The following CC2D2A variants were observed in gnomAD, a reference collection of about 807,000 sequenced individuals.
The protein encoded by CC2D2A is coiled-coil and C2 domain-containing protein 2A.
In CC2D2A, 155 loss-of-function variants were observed where a neutral mutation model predicts 212.9. The ratio of observed to expected loss-of-function variants is 0.73; its 90% confidence interval spans 0.64 to 0.83. CC2D2A has a LOEUF of 0.83. Among genes scored for constraint, CC2D2A ranks in the 40% least tolerant of loss-of-function variants. The pLI is 0.00. For missense variants in CC2D2A, 1,856 were observed against 1,956.2 expected (o/e 0.95, Z 0.97); for synonymous variants, 667 against 686.5 (o/e 0.97, Z 0.44).
chr4:15,512,714 G>A (rs1716636092), intron 8 of CC2D2A, among the ~76,000 whole-genome samples: 7 of 152,176 alleles, frequency 4.6e-5, no homozygotes, highest in Admixed American at 4.6e-4. Flanking sequence ...AGCTTTGGGA[G>A]GCCGAGGAGG....
intron 28 of CC2D2A, among the ~76,000 whole-genome samples, chr4:15,573,288 T>C (rs771179822): frequency 3.9e-5 from 6 of 152,158 alleles, no homozygotes; most frequent in African/African-American, 4.8e-5. Context: ...TTCCATGCCA[T>C]AGTTTTTTGT....
rs767675879 is a variant in CC2D2A at position 15,515,959 on chromosome 4, C to T, written c.972C>T (p.Arg324=). The T allele has an allele frequency of 6.3e-7, 1 of 1,582,238 alleles. No homozygotes were observed. The highest frequency in any genetic ancestry group is 8.6e-7 in the Non-Finnish European group (1 of 1,163,774). Residue 324 remains arginine (R), a synonymous_variant, in exon 10 of 37, where the codon CGC becomes CGT. Coordinates refer to ENST00000424120, the MANE Select transcript of CC2D2A (RefSeq NM_001378615.1). ...CCGGGGTAAGACCAGAGGTGGCACGCACCAATCAGAACATCATGGAGAACA... is the reference window on the plus strand; with the variant it reads ...CCGGGGTAAGACCAGAGGTGGCACGTACCAATCAGAACATCATGGAGAACA... The part of the protein sequence containing the change: ...LYTGVRPEVA[R]TNQNIMENRL...
intron 30 of CC2D2A, among the ~76,000 whole-genome samples, chr4:15,583,267 G>A (rs377098493): frequency 6.6e-6 from 1 of 152,156 alleles, no homozygotes; most frequent in East Asian, 1.9e-4. Context: ...TTTCCTCTAA[G>A]ATCAGGAACA....
At chr4:15,596,279 T>A (rs537588355) in intron 34 of CC2D2A, 72 bp downstream of exon 34, 2 of 1,357,654 alleles carry the variant, frequency 1.5e-6, no homozygotes, top group African/African-American at 2.9e-5. Context: ...TTACAAGATA[T>A]TTTTTACCCC....
At chr4:15,548,606 CA>C (rs1718831515) in intron 17 of CC2D2A, among the ~76,000 whole-genome samples, 1 of 150,408 alleles carries the variant, frequency 6.6e-6, no homozygotes. Flanking sequence ...TCATTTCAAA[CA>C]AAATGAAAGA....
intron 30 of CC2D2A, 116 bp downstream of exon 30, chr4:15,580,287 T>A: frequency 1.3e-6 from 1 of 770,734 alleles, no homozygotes; most frequent in Non-Finnish European, 2.1e-6. Context: ...TCGAGATCAT[T>A]AATGACAAAA....
At chr4:15,541,147 A>C in intron 17 of CC2D2A, 133 bp downstream of exon 17, 1 of 616,896 alleles carries the variant, frequency 1.6e-6, no homozygotes, top group Non-Finnish European at 2.6e-6. Context: ...CCACATCTCT[A>C]CTGTAAATAC....
In CC2D2A at chr4:15,563,395, C is replaced by T. The variant is rs370880399; in HGVS notation, c.3055C>T (p.Arg1019Ter). The T allele has an allele frequency of 5.9e-5, 95 of 1,606,748 alleles. No homozygotes were observed. Among genetic ancestry groups the T allele is most frequent in the Middle Eastern group, 1.6e-4 (1 of 6,078 alleles). Residue 1019 changes from arginine to a stop codon, truncating the protein, a stop_gained, in exon 24 of 37, where the codon CGA (arginine) becomes TGA (stop). Transcript: ENST00000424120. LOFTEE classifies it high-confidence loss of function. ...LSLFKLAEQK[R>*]PLRPRRKGRK... ...CCTTTTCAAGCTGGCAGAACAAAAG[C>T]GACCACTGCGGCCAAGGAGAAAAGG...
intron 35 of CC2D2A, among the ~76,000 whole-genome samples, chr4:15,598,842 T>C (rs964027470): frequency 6.6e-6 from 1 of 152,160 alleles, no homozygotes; most frequent in Admixed American, 6.5e-5. Context: ...ATACTACCAA[T>C]GAGTATAGTC....
chr4:15,519,862 C>G (rs1447326254), intron 11 of CC2D2A: 1 of 285,672 alleles, frequency 3.5e-6, no homozygotes, highest in Admixed American at 4.4e-5. Context: ...AGTTACAATT[C>G]AAGATGAGTT....
At chr4:15,565,493 TTA>T (rs558363529) in intron 24 of CC2D2A, among the ~76,000 whole-genome samples, 21 of 152,140 alleles carry the variant, frequency 1.4e-4, no homozygotes, top group Non-Finnish European at 2.6e-4. Flanking sequence ...GATGATTTGT[TTA>T]TGTGTCTGCC....
intron 28 of CC2D2A, among the ~76,000 whole-genome samples, chr4:15,571,806 GC>G (rs1720183265): frequency 6.6e-6 from 1 of 152,068 alleles, no homozygotes; most frequent in South Asian, 2.1e-4. Context: ...ACATTATTTT[GC>G]AAATCACACT....
At chr4:15,563,826 C>A in intron 24 of CC2D2A, 1 of 274,730 alleles carries the variant, frequency 3.6e-6, no homozygotes. Context: ...ACTTGCCTCA[C>A]TCTGAGTTTG....
chr4:15,500,119 A>G (rs567443800), intron 4 of CC2D2A, among the ~76,000 whole-genome samples: 24 of 147,042 alleles, frequency 1.6e-4, no homozygotes, highest in East Asian at 5.9e-4. Context: ...ATATATATAT[A>G]TATATATATA....
At chr4:15,527,196 A>C (rs1353864552) in intron 11 of CC2D2A, among the ~76,000 whole-genome samples, 1 of 152,220 alleles carries the variant, frequency 6.6e-6, no homozygotes, top group Non-Finnish European at 1.5e-5. Flanking sequence ...CAAGTAATGA[A>C]ACCTAAAAGA....
At chr4:15,576,944 A>G (rs771017115) in intron 29 of CC2D2A, among the ~76,000 whole-genome samples, 13 of 152,210 alleles carry the variant, frequency 8.5e-5, no homozygotes, top group Admixed American at 4.6e-4. Context: ...TGTATCTCTG[A>G]AAGTTATTTC....
intron 3 of CC2D2A, 66 bp from the exon 4 acceptor site, chr4:15,480,638 C>A: frequency 6.5e-7 from 1 of 1,535,972 alleles, no homozygotes; most frequent in Non-Finnish European, 8.8e-7. Flanking sequence ...GACCCATCTT[C>A]CCAAGAGAGG....
chr4:15,482,238 A>C, intron 4 of CC2D2A: 4 of 985,188 alleles, frequency 4.1e-6, no homozygotes, highest in Non-Finnish European at 4.8e-6. Context: ...GCTGTTATGA[A>C]TTAATAAAAA....
intron 8 of CC2D2A, among the ~76,000 whole-genome samples, chr4:15,512,350 A>G (rs1451206686): frequency 1.3e-5 from 2 of 152,248 alleles, no homozygotes; most frequent in Non-Finnish European, 2.9e-5. Flanking sequence ...ACATAAATAT[A>G]CAATGGAATA....
Sources: allele counts gnomAD v4.1 joint callset (sites outside exome capture counted in the v4.1 genomes callset), GRCh38; gene constraint gnomAD v4.1.1; transcripts MANE v1.5; gene names NCBI Gene and HGNC (gene_info 2026-07-23, HGNC 2026-07-21).